IMPDH1: variants seen among roughly 807,000 people sequenced by gnomAD.
IMPDH1 encodes inosine-5'-monophosphate dehydrogenase 1.
In IMPDH1, 41 loss-of-function variants were observed where a neutral mutation model predicts 73.5. That is an observed-to-expected ratio of 0.56 (90% CI 0.43 to 0.72). The LOEUF (loss-of-function observed/expected upper bound fraction) is 0.72, where lower values mean the gene tolerates loss of function less well. Among genes scored for constraint, IMPDH1 ranks in the 30% least tolerant of loss-of-function variants. The probability of loss-of-function intolerance (pLI) is 0.00; values close to 1 mark genes in which losing one functional copy is unlikely to be tolerated. For missense variants in IMPDH1, 645 were observed against 824.8 expected, an observed-to-expected ratio of 0.78 and a Z score of 2.67; for synonymous variants, 318 against 334.3, an observed-to-expected ratio of 0.95 and a Z score of 0.53.
At position 128,404,275 on chromosome 7, in the gene IMPDH1, G is replaced by A. The variant is rs541603155; in HGVS notation, c.354-521C>T. Among the ~76,000 whole-genome samples the A allele has an allele frequency of 1.1e-3, 174 of 152,344 alleles. 1 individual carries two copies. The highest frequency in any genetic ancestry group is 3.9e-3 in the African/African-American group (161 of 41,570). ...TCGGAACAGCATGGAGGGACCCCAGGGGGCTGAGTGCAGGGCATGTTCTGA... is the reference window on the plus strand; with the variant it reads ...TCGGAACAGCATGGAGGGACCCCAGAGGGCTGAGTGCAGGGCATGTTCTGA... On this transcript the variant is annotated intron_variant, in intron 4 of 16. Coordinates refer to ENST00000338791, the MANE Select transcript of IMPDH1 (RefSeq NM_000883.4).
chr7:128,403,307 C>T (rs1480756360), intron 5 of IMPDH1, among the ~76,000 whole-genome samples: 1 of 152,224 alleles, frequency 6.6e-6, no homozygotes, highest in Non-Finnish European at 1.5e-5. Flanking sequence ...CCTGTAATCA[C>T]AGCGTCTTCG....
In IMPDH1 at chr7:128,394,186, G is replaced by C. The variant is rs930251884; in HGVS notation, c.1778+92C>G. ...TGTCCCTGCTGCAGGTGGTCCATGG[G>C]GTCCCTGGAACCTCAGCTTGACCTC... is the stretch of plus-strand genomic sequence containing the variant. On this transcript the variant is annotated intron_variant, in intron 16 of 16. Transcript: ENST00000338791. The surrounding 1 kb of genome is among the most constrained non-coding windows in gnomAD (Gnocchi z 5.5). 2.0e-6 allele frequency: 2 copies of C among 1,016,248 alleles called. No individual in the cohort carries two copies. The highest frequency in any genetic ancestry group is 3.1e-6 in the Non-Finnish European group (2 of 644,622). 63.0% of individuals were successfully genotyped at this position (1,016,248 alleles called of 1,614,324 possible).
chr7:128,403,485 G>A (rs1323374043), intron 5 of IMPDH1, among the ~76,000 whole-genome samples: 1 of 151,362 alleles, frequency 6.6e-6, no homozygotes, highest in Non-Finnish European at 1.5e-5. Context: ...TTGAATCTGG[G>A]AGGTGGAGGC....
In IMPDH1 at chr7:128,409,100, AT is replaced by A. The variant is rs373492961; in HGVS notation, c.254+188del. Among the ~76,000 whole-genome samples, 313 of 152,320 alleles carry A rather than the reference AT, an allele frequency of 2.1e-3. 1 individual carries two copies. Among genetic ancestry groups the A allele is most frequent in the African/African-American group, 7.4e-3 (309 of 41,574 alleles). Reference sequence around the variant, plus strand: ...TTTCAAGCTGCGATACAATCCAGAGATTAGCTGCTGTCTCCTTTTCAGCCAG... The same window carrying A: ...TTTCAAGCTGCGATACAATCCAGAGATAGCTGCTGTCTCCTTTTCAGCCAG... On this transcript the variant is annotated intron_variant, in intron 3 of 16. Coordinates refer to ENST00000338791, the MANE Select transcript of IMPDH1 (RefSeq NM_000883.4).
In IMPDH1 at chr7:128,398,696, G is replaced by C. The variant is rs1055242631; in HGVS notation, c.875-83C>G. 6.1e-6 allele frequency: 7 copies of C among 1,139,382 alleles called. No homozygotes were observed. In the Admixed American group the frequency reaches 1.0e-4, roughly 17 times the overall value. The allele number at this position is 1,139,382 out of a possible 1,614,324, so 70.6% of individuals were successfully genotyped here. On this transcript the variant is annotated intron_variant, in intron 9 of 16. Transcript: ENST00000338791. The surrounding 1 kb of genome is among the most constrained non-coding windows in gnomAD (Gnocchi z 4.3). ...TGTTTAGGAGGGTGAAGATGAAAGT[G>C]GACCACTCCAGAGATTCCACTGAAG...
intron 3 of IMPDH1, among the ~76,000 whole-genome samples, chr7:128,406,147 C>T (rs1798742640): frequency 6.6e-6 from 1 of 150,498 alleles, no homozygotes; most frequent in African/African-American, 2.4e-5. Flanking sequence ...CCCCAGCTGC[C>T]TGCAGCGGCG....
rs2116670511 is a variant in IMPDH1 at position 128,401,102 on chromosome 7, G to A, written c.417C>T (p.Ala139=). 1.2e-6 allele frequency: 2 copies of A among 1,613,660 alleles called. No individual in the cohort carries two copies. Among genetic ancestry groups the A allele is most frequent in the South Asian group, 1.1e-5 (1 of 91,078 alleles). ...TCTTCAGCGTGATCTTCCGGGTCAG[G>A]GCTGAGGTCAGGTCCTGAGGATGGA... The part of the protein sequence containing the change: ...FIADEVDLTS[A]LTRKITLKTP... The change falls in exon 6 of 17, where the codon GCC becomes GCT. Residue 139 remains alanine, a synonymous_variant. Transcript: ENST00000338791.
chr7:128,405,040 C>T (rs1313610994), intron 4 of IMPDH1, among the ~76,000 whole-genome samples: 1 of 152,166 alleles, frequency 6.6e-6, no homozygotes, highest in Non-Finnish European at 1.5e-5. Context: ...CCCACTCTGC[C>T]CCTTCTGATG....
intron 10 of IMPDH1, 70 bp from the exon 11 acceptor site, chr7:128,397,092 G>T (rs1797974413): frequency 1.0e-6 from 1 of 976,956 alleles, no homozygotes; most frequent in African/African-American, 1.6e-5. Context: ...GAGAGCCTGA[G>T]TGGATGAACC....
intron 12 of IMPDH1, 152 bp from the exon 13 acceptor site, chr7:128,395,426 TG>T: frequency 1.1e-6 from 1 of 889,498 alleles, no homozygotes; most frequent in East Asian, 2.6e-5. Context: ...ACATAGGTGC[TG>T]GCAAATACCA....
At chr7:128,400,589 T>C (rs751887147) in intron 7 of IMPDH1, 50 bp from the exon 8 acceptor site, 18 of 1,541,550 alleles carry the variant, frequency 1.2e-5, no homozygotes, top group African/African-American at 6.8e-5. Context: ...CCAGGGATGA[T>C]GTCCAGGCTG....
At chr7:128,397,156 T>G (rs1584723673) in intron 10 of IMPDH1, 134 bp from the exon 11 acceptor site, 5 of 664,424 alleles carry the variant, frequency 7.5e-6, no homozygotes, top group African/African-American at 3.7e-5. Flanking sequence ...TGGTTGTTTT[T>G]TTTTTTTTTT....
chr7:128,409,454 C>T lies in IMPDH1; in HGVS notation c.177G>A (p.Thr59=). 2 of 1,614,200 alleles carry T rather than the reference C, an allele frequency of 1.2e-6. No homozygotes were observed. The highest frequency in any genetic ancestry group is 1.7e-6 in the Non-Finnish European group (2 of 1,180,024). ...SPRLDLATHP[T]TPRSELSSVV... The stretch of plus-strand genomic sequence containing the variant: ...AGTTGGAGCCACCTGAACGGGGTGT[C>T]GTCGGGTGTGTAGCGAGGTCCAATC... The change falls in exon 2 of 17, where the codon ACG becomes ACA. Residue 59 remains threonine (T), a synonymous_variant. Coordinates refer to ENST00000338791, the MANE Select transcript of IMPDH1 (RefSeq NM_000883.4).
chr7:128,393,638 T>G (rs935134413), intron 16 of IMPDH1: 3 of 51,962 alleles, frequency 5.8e-5, no homozygotes, highest in East Asian at 6.4e-4. Context: ...CCCCACCCAA[T>G]ACCCACCCCC....
rs934677113 is a variant in IMPDH1 at position 128,398,986 on chromosome 7, A to G, written c.875-373T>C. 6.6e-6 allele frequency among the ~76,000 whole-genome samples: 1 copy of G among 152,200 alleles called. No homozygotes were observed. The highest frequency in any genetic ancestry group is 1.5e-5 in the Non-Finnish European group (1 of 68,028). On this transcript the variant is annotated intron_variant, in intron 9 of 16. Coordinates refer to ENST00000338791, the MANE Select transcript of IMPDH1 (RefSeq NM_000883.4). This position sits in a 1 kb window ranked among gnomAD's most constrained non-coding sequence, Gnocchi z 4.3. ...ATGTGCCCTGTCCAATACAGACACCAAAGAACCCTCCAGTATGGACCAGGG... is the reference window on the plus strand; with the variant it reads ...ATGTGCCCTGTCCAATACAGACACCGAAGAACCCTCCAGTATGGACCAGGG...
intron 4 of IMPDH1, 70 bp downstream of exon 4, chr7:128,405,697 C>G (rs1798677299): frequency 6.7e-7 from 1 of 1,487,732 alleles, no homozygotes; most frequent in South Asian, 1.3e-5. Context: ...GAGCCGCGCA[C>G]GTGCAGGGCC....
At chr7:128,397,244 C>T (rs1184783486) in intron 10 of IMPDH1, among the ~76,000 whole-genome samples, 1 of 150,994 alleles carries the variant, frequency 6.6e-6, no homozygotes, top group Non-Finnish European at 1.5e-5. Context: ...ACAACTAATG[C>T]AGTCTTAGAG....
rs1182841365 is a variant in IMPDH1 at position 128,405,748 on chromosome 7, T to A, written c.353+19A>T. On this transcript the variant is annotated intron_variant, in intron 4 of 16. Transcript: ENST00000338791. ...GCGCGTGGATGCGCGCACCTAGGGG[T>A]ACGAGACCCGGCGCTTACTTGTAGG... 4.6e-6 allele frequency: 7 copies of A among 1,531,376 alleles called. No individual in the cohort carries two copies. The highest frequency in any genetic ancestry group is 4.4e-6 in the Non-Finnish European group (5 of 1,140,056). The allele number at this position is 1,531,376 out of a possible 1,614,324, so 94.9% of individuals were successfully genotyped here. A position where few individuals can be genotyped will look rare whatever the true frequency, so the allele number is the denominator to read the frequency against.
rs1419426957 is a variant in IMPDH1 at position 128,395,191 on chromosome 7, C to T, written c.1345G>A (p.Asp449Asn). 3 of 1,613,900 alleles carry T rather than the reference C, an allele frequency of 1.9e-6. No individual in the cohort carries two copies. Among genetic ancestry groups the T allele is most frequent in the Non-Finnish European group, 1.7e-6 (2 of 1,180,062 alleles). ...ARRFGVPIIA[D>N]GGIQTVGHVV... ...TGTCCCACGGTCTGGATGCCGCCAT[C>T]GGCTATGATGGGCACACCAAAGCGC... Residue 449 changes from aspartate (D) to asparagine (N), a missense_variant, in exon 13 of 17, where the codon GAT becomes AAT. Asp to Asn is a conservative substitution (Grantham distance 23). This residue lies in a region of IMPDH1 where 459 missense variants were observed against 638.2 expected (regional missense o/e 0.72). Transcript: ENST00000338791.
Sources: allele counts gnomAD v4.1 joint callset (sites outside exome capture counted in the v4.1 genomes callset), GRCh38; gene constraint gnomAD v4.1.1; regional missense constraint gnomAD v4.1.1; non-coding constraint Gnocchi (gnomAD v3.1); transcripts MANE v1.5; gene names NCBI Gene and HGNC (gene_info 2026-07-23, HGNC 2026-07-21).